Variants in SGCZ observed in about 807,000 individuals in gnomAD.
SGCZ encodes the protein zeta-sarcoglycan.
Under a neutral mutation model 41.3 loss-of-function variants are expected in SGCZ, and 40 were observed. The observed-to-expected ratio is 0.97, with a 90% confidence interval of 0.75 to 1.26. The LOEUF is 1.26. SGCZ is among the 50% of genes most tolerant of loss of function. The pLI is 0.00. For synonymous variants in SGCZ, 206 were observed against 137.5 expected (o/e 1.50, Z -3.49); for missense variants, 552 against 369.8 (o/e 1.49, Z -4.04).
intron 3 of SGCZ, among the ~76,000 whole-genome samples, chr8:14,298,811 G>A (rs969044423): frequency 4.6e-5 from 7 of 152,032 alleles, no homozygotes; most frequent in African/African-American, 1.2e-4. Flanking sequence ...TCTAACTGGT[G>A]TGTGTGGGTG....
intron 1 of SGCZ, among the ~76,000 whole-genome samples, chr8:15,191,574 T>C (rs1403979111): frequency 1.5e-5 from 2 of 137,844 alleles, no homozygotes; most frequent in African/African-American, 5.2e-5. Flanking sequence ...TAATTCATCA[T>C]TGTTTTTGAA....
intron 1 of SGCZ, among the ~76,000 whole-genome samples, chr8:14,880,906 T>C (rs1804562064): frequency 6.6e-6 from 1 of 152,076 alleles, no homozygotes; most frequent in Non-Finnish European, 1.5e-5. Flanking sequence ...TATACATATG[T>C]AACAAACCTG....
intron 1 of SGCZ, among the ~76,000 whole-genome samples, chr8:14,866,913 T>C (rs1563325405): frequency 6.6e-6 from 1 of 152,156 alleles, no homozygotes; most frequent in Non-Finnish European, 1.5e-5. Flanking sequence ...AATGTTGCCT[T>C]AAAGTTGGAG....
chr8:15,237,737 C>T lies in SGCZ; in HGVS notation c.-114G>A. 9.0e-7 allele frequency: 1 copy of T among 1,106,736 alleles called. No individual in the cohort carries two copies. The highest frequency in any genetic ancestry group is 1.3e-6 in the Non-Finnish European group (1 of 747,010). The allele number at this position is 1,106,736 out of a possible 1,614,324, so 68.6% of individuals were successfully genotyped here. A position where few individuals can be genotyped will look rare whatever the true frequency, so the allele number is the denominator to read the frequency against. On this transcript the variant is annotated 5_prime_UTR_variant, in exon 1 of 8. Coordinates refer to ENST00000382080, the MANE Select transcript of SGCZ (RefSeq NM_139167.4). Reference sequence around the variant, plus strand: ...TATCCTCCTCCAAGCCCCGGCAGCTCCTCTCAGTCTCATTCTCCGTGGTCA... The same window carrying T: ...TATCCTCCTCCAAGCCCCGGCAGCTTCTCTCAGTCTCATTCTCCGTGGTCA...
chr8:14,296,494 C>T (rs1245974718), intron 3 of SGCZ, among the ~76,000 whole-genome samples: 2 of 152,092 alleles, frequency 1.3e-5, no homozygotes, highest in African/African-American at 2.4e-5. Flanking sequence ...GTTTTAACAG[C>T]TATTTGTTTC....
chr8:14,090,770 G>A, intron 7 of SGCZ, 133 bp from the exon 8 acceptor site: 1 of 762,604 alleles, frequency 1.3e-6, no homozygotes, highest in Non-Finnish European at 2.0e-6. Flanking sequence ...GCCATGCTTT[G>A]TTGAACAAAC....
intron 5 of SGCZ, among the ~76,000 whole-genome samples, chr8:14,143,090 G>A (rs546297034): frequency 6.6e-6 from 1 of 151,096 alleles, no homozygotes; most frequent in South Asian, 2.1e-4. Flanking sequence ...ATGCAGAATA[G>A]CATTTGGTGC....
chr8:14,530,225 A>C (rs917058269), intron 2 of SGCZ, among the ~76,000 whole-genome samples: 14 of 152,110 alleles, frequency 9.2e-5, no homozygotes, highest in Admixed American at 6.6e-4. Context: ...TTTTTTTTAA[A>C]AAAAATATAC....
chr8:15,056,249 A>G (rs963253496), intron 1 of SGCZ, among the ~76,000 whole-genome samples: 2 of 152,222 alleles, frequency 1.3e-5, no homozygotes, highest in Non-Finnish European at 2.9e-5. Context: ...AGCTGTAAGC[A>G]TAGACTTCTT....
At chr8:14,981,340 T>C (rs1430136539) in intron 1 of SGCZ, among the ~76,000 whole-genome samples, 1 of 152,220 alleles carries the variant, frequency 6.6e-6, no homozygotes, top group Non-Finnish European at 1.5e-5. Flanking sequence ...TCACCTGTGT[T>C]AAGATGCTAC....
At chr8:14,391,578 AC>A (rs1386592645) in intron 2 of SGCZ, among the ~76,000 whole-genome samples, 31 of 152,244 alleles carry the variant, frequency 2.0e-4, no homozygotes, top group African/African-American at 6.3e-4. Context: ...ATATTATTGG[AC>A]AAGGCACCAG....
At chr8:15,120,297 T>G (rs1807431478) in intron 1 of SGCZ, among the ~76,000 whole-genome samples, 1 of 152,240 alleles carries the variant, frequency 6.6e-6, no homozygotes, top group Non-Finnish European at 1.5e-5. Context: ...TAAGAAAATT[T>G]CATGTAATCA....
chr8:14,131,432 C>A (rs1803037493), intron 5 of SGCZ, among the ~76,000 whole-genome samples: 1 of 152,134 alleles, frequency 6.6e-6, no homozygotes, highest in South Asian at 2.1e-4. Context: ...CTCCATAGAA[C>A]TTTTAGCAAT....
intron 4 of SGCZ, among the ~76,000 whole-genome samples, chr8:14,197,425 A>T (rs1805300482): frequency 1.3e-5 from 2 of 152,128 alleles, no homozygotes; most frequent in African/African-American, 4.8e-5. Context: ...AATCAAATAA[A>T]GCAATATTAA....
Position 14,799,752 on chromosome 8 carries a change from C to T in SGCZ, c.40-244826G>A, listed in dbSNP as rs150403890. On this transcript the variant is annotated intron_variant, in intron 1 of 7. Coordinates refer to ENST00000382080, the MANE Select transcript of SGCZ (RefSeq NM_139167.4). The stretch of plus-strand genomic sequence containing the variant: ...AGCTGAATCTACTCCTTTGAAGCAA[C>T]CTTCTCTAAAACCTCATGCCCCTTT... Among the ~76,000 whole-genome samples the T allele has an allele frequency of 2.8e-3, 433 of 152,066 alleles. 2 individuals carry two copies. The highest frequency in any genetic ancestry group is 9.9e-3 in the African/African-American group (410 of 41,492).
chr8:14,476,799 G>C (rs1801374468), intron 2 of SGCZ, among the ~76,000 whole-genome samples: 2 of 152,134 alleles, frequency 1.3e-5, no homozygotes, highest in Non-Finnish European at 2.9e-5. Flanking sequence ...ACTACGGTTT[G>C]ACTTCTGCAT....
chr8:14,562,145 G>A (rs566356531), intron 1 of SGCZ, among the ~76,000 whole-genome samples: 9 of 152,190 alleles, frequency 5.9e-5, no homozygotes, highest in African/African-American at 1.4e-4. Context: ...CTTGCCTCAC[G>A]TAAGGGGAAA....
chr8:14,279,849 C>G lies in SGCZ; in HGVS notation c.337-42170G>C, dbSNP rs1041845879. The stretch of plus-strand genomic sequence containing the variant: ...ATGCTTCATGCTCCATTTTTTTTTT[C>G]TAATTTAGTCCTTAGAGAAAACTAA... On this transcript the variant is annotated intron_variant, in intron 3 of 7. Coordinates refer to ENST00000382080, the MANE Select transcript of SGCZ (RefSeq NM_139167.4). Among the ~76,000 whole-genome samples, 37 of 145,096 alleles carry G rather than the reference C, an allele frequency of 2.6e-4. 1 individual carries two copies. The highest frequency in any genetic ancestry group is 2.4e-3 in the Admixed American group (34 of 14,448).
At chr8:14,553,910 G>T (rs1457194265) in intron 2 of SGCZ, among the ~76,000 whole-genome samples, 1 of 152,042 alleles carries the variant, frequency 6.6e-6, no homozygotes, top group Non-Finnish European at 1.5e-5. Context: ...ATACTTGCTT[G>T]TATGTGGAGA....
Sources: gnomAD v4.1 joint callset for allele counts (sites outside exome capture counted in the v4.1 genomes callset) on GRCh38, gnomAD v4.1.1 for gene constraint, MANE v1.5 for transcripts, NCBI Gene and HGNC (gene_info 2026-07-23, HGNC 2026-07-21) for gene names.